CMIP: variants seen among roughly 807,000 people sequenced by gnomAD.
CMIP encodes C-Maf-inducing protein.
Under a neutral mutation model 97.3 loss-of-function variants are expected in CMIP, and 13 were observed. The observed-to-expected ratio is 0.13, with a 90% CI of 0.09 to 0.21. The LOEUF (loss-of-function observed/expected upper bound fraction) is 0.21, where lower values mean the gene tolerates loss of function less well. CMIP is among the 10% of genes least tolerant of loss of function. The pLI is 1.00. For synonymous variants in CMIP, 538 were observed against 436.3 expected, an observed-to-expected ratio of 1.23 and a Z score of -2.91; for missense variants, 847 against 1,024.9, an observed-to-expected ratio of 0.83 and a Z score of 2.37.
chr16:81,569,194 C>G (rs1353210935), intron 1 of CMIP, among the ~76,000 whole-genome samples: 1 of 152,168 alleles, frequency 6.6e-6, no homozygotes, highest in Non-Finnish European at 1.5e-5. Flanking sequence ...CACCCTGTAT[C>G]CCTTGAGAAT....
intron 1 of CMIP, among the ~76,000 whole-genome samples, chr16:81,568,039 GTTT>G (rs1555531346): frequency 1.2e-5 from 1 of 82,546 alleles, no homozygotes; most frequent in Non-Finnish European, 2.3e-5. Flanking sequence ...GTGTGTGTGT[GTTT>G]TTTTTTTTTT....
chr16:81,633,503 T>G (rs890849510), intron 3 of CMIP, among the ~76,000 whole-genome samples: 22 of 152,332 alleles, frequency 1.4e-4, no homozygotes, highest in African/African-American at 5.3e-4. Flanking sequence ...GACAGCCGGC[T>G]AACTCTGGAA....
chr16:81,591,086 A>G (rs1346174551), intron 1 of CMIP, among the ~76,000 whole-genome samples: 1 of 152,216 alleles, frequency 6.6e-6, no homozygotes, highest in African/African-American at 2.4e-5. Context: ...AATGTTTGCT[A>G]AGCTCTGATT....
intron 1 of CMIP, chr16:81,476,326 C>T (rs1209847446): frequency 2.0e-6 from 3 of 1,484,126 alleles, no homozygotes; most frequent in Admixed American, 3.4e-5. Context: ...TGTGAAGTCA[C>T]CACCCTGATA....
At chr16:81,562,295 A>G (rs2090898331) in intron 1 of CMIP, among the ~76,000 whole-genome samples, 1 of 152,228 alleles carries the variant, frequency 6.6e-6, no homozygotes, top group South Asian at 2.1e-4. Flanking sequence ...ATGCCTGCCC[A>G]GGCTTACCCA....
intron 19 of CMIP, among the ~76,000 whole-genome samples, chr16:81,706,368 G>T (rs903283323): frequency 6.6e-6 from 1 of 152,236 alleles, no homozygotes; most frequent in Non-Finnish European, 1.5e-5. Flanking sequence ...CTACCGGGCC[G>T]CTGGCAAATG....
intron 1 of CMIP, among the ~76,000 whole-genome samples, chr16:81,599,118 C>G (rs1290140817): frequency 6.6e-6 from 1 of 152,140 alleles, no homozygotes; most frequent in East Asian, 1.9e-4. Flanking sequence ...GTCACCCCAA[C>G]TCTGCAGCCA....
At chr16:81,618,456 A>T (rs1404069322) in intron 2 of CMIP, 1 of 152,194 alleles carries the variant, frequency 6.6e-6, no homozygotes, top group Non-Finnish European at 1.5e-5. Flanking sequence ...AGGATAACTT[A>T]ATCACAAGGG....
intron 1 of CMIP, among the ~76,000 whole-genome samples, chr16:81,486,319 C>T (rs1034775377): frequency 1.3e-5 from 2 of 149,654 alleles, no homozygotes; most frequent in African/African-American, 4.9e-5. Context: ...GCATCTGTTT[C>T]GTCCATCCAC....
At chr16:81,595,444 A>C (rs140503902) in intron 1 of CMIP, among the ~76,000 whole-genome samples, 3 of 146,320 alleles carry the variant, frequency 2.1e-5, no homozygotes, top group Non-Finnish European at 3.0e-5. Context: ...GCTGTAGTGC[A>C]GTGACACAAT....
At chr16:81,704,109 G>T (rs888948049) in intron 18 of CMIP, 24 bp downstream of exon 18, 2 of 1,593,004 alleles carry the variant, frequency 1.3e-6, no homozygotes, top group African/African-American at 2.7e-5. Context: ...CCCTGCTGCA[G>T]TCCCCCACAC....
chr16:81,614,674 T>C lies in CMIP; in HGVS notation c.427-6202T>C, dbSNP rs1246604935. 6.7e-6 allele frequency among the ~76,000 whole-genome samples: 1 copy of C among 149,834 alleles called. No individual in the cohort carries two copies. The highest frequency in any genetic ancestry group is 2.0e-4 in the East Asian group (1 of 4,952). On this transcript the variant is annotated intron_variant, in intron 2 of 20. Coordinates refer to ENST00000537098, the MANE Select transcript of CMIP (RefSeq NM_198390.3). The surrounding 1 kb of genome is among the most constrained non-coding windows in gnomAD (Gnocchi z 5.3). ...TGGTGTGTGTGTATGTATGTCTGTA[T>C]GGTTTATGTGTGTGTGTGTGTGTAT...
At chr16:81,670,115 G>A (rs759351381) in intron 7 of CMIP, 27 bp from the exon 8 acceptor site, 86 of 1,590,664 alleles carry the variant, frequency 5.4e-5, no homozygotes, top group Non-Finnish European at 7.0e-5. Flanking sequence ...GCACCGTCCC[G>A]ACTCCTGTCC....
At chr16:81,475,559 A>G (rs1597460083) in intron 1 of CMIP, among the ~76,000 whole-genome samples, 2 of 152,312 alleles carry the variant, frequency 1.3e-5, no homozygotes, top group East Asian at 3.9e-4. Flanking sequence ...CAATCCAGCT[A>G]GGCATGGAAG....
At chr16:81,692,106 A>G (rs1025423155) in intron 11 of CMIP, among the ~76,000 whole-genome samples, 2 of 152,216 alleles carry the variant, frequency 1.3e-5, no homozygotes, top group Admixed American at 1.3e-4. Context: ...TCATGAGCTA[A>G]GAATGCAAAC....
rs1348608972 is a variant in CMIP, at chr16:81,655,042, C to T, written c.639+2678C>T. On this transcript the variant is annotated intron_variant, in intron 4 of 20. Coordinates refer to ENST00000537098, the MANE Select transcript of CMIP (RefSeq NM_198390.3). The surrounding 1 kb of genome is among the most constrained non-coding windows in gnomAD (Gnocchi z 4.9). ...TTCACAGAATTGAAGATGCGATCCT[C>T]TCATATGCATAAAGTGCTTGGCACT... Among the ~76,000 whole-genome samples, 1 of 152,222 alleles carries T rather than the reference C, an allele frequency of 6.6e-6. No homozygotes were observed. The highest frequency in any genetic ancestry group is 1.5e-5 in the Non-Finnish European group (1 of 68,042).
At chr16:81,572,225 T>C (rs934013066) in intron 1 of CMIP, among the ~76,000 whole-genome samples, 3 of 152,252 alleles carry the variant, frequency 2.0e-5, no homozygotes, top group Non-Finnish European at 4.4e-5. Flanking sequence ...GGCAACTGCC[T>C]CAGACTCCAT....
chr16:81,661,504 G>A (rs755533204), intron 6 of CMIP, among the ~76,000 whole-genome samples: 5 of 152,204 alleles, frequency 3.3e-5, no homozygotes, highest in Non-Finnish European at 7.3e-5. Context: ...TTTTTTTAGT[G>A]TAATAATTTT....
chr16:81,667,802 G>GAGAC (rs1567647143), intron 7 of CMIP, among the ~76,000 whole-genome samples: 81 of 93,706 alleles, frequency 8.6e-4, no homozygotes, highest in African/African-American at 3.7e-3. Context: ...GAGAGAGAGT[G>GAGAC]TGTGTGTGTG....
Sources: allele counts gnomAD v4.1 joint callset (sites outside exome capture counted in the v4.1 genomes callset), GRCh38; gene constraint gnomAD v4.1.1; non-coding constraint Gnocchi (gnomAD v3.1); transcripts MANE v1.5; gene names NCBI Gene and HGNC (gene_info 2026-07-23, HGNC 2026-07-21).